Variants in STARD13 observed in about 807,000 individuals in gnomAD.
The protein encoded by STARD13 is StAR related lipid transfer domain containing 13.
A neutral mutation model predicts 106.4 loss-of-function variants in STARD13; 62 were observed. The ratio of observed to expected loss-of-function variants is 0.58; its 90% CI spans 0.48 to 0.72. The LOEUF is 0.72. Among genes scored for constraint, STARD13 ranks in the 30% least tolerant of loss-of-function variants. The pLI is 0.00. For synonymous variants in STARD13, 565 were observed against 553.0 expected (o/e 1.02, Z -0.31); for missense variants, 1,387 against 1,424.0 (o/e 0.97, Z 0.42).
the STARD13 span, among the ~76,000 whole-genome samples, chr13:33,659,611 G>A: frequency 6.6e-6 from 1 of 152,210 alleles, no homozygotes; most frequent in Non-Finnish European, 1.5e-5. Flanking sequence ...GATAGCACCA[G>A]AACTGAATTG....
chr13:33,305,180 C>T (rs1892859853), intron 1 of STARD13, among the ~76,000 whole-genome samples: 1 of 152,210 alleles, frequency 6.6e-6, no homozygotes, highest in African/African-American at 2.4e-5. Flanking sequence ...GCATGAGCCA[C>T]AGCAGTCCCA....
chr13:33,359,688 A>C, the STARD13 span: 4 of 152,760 alleles, frequency 2.6e-5, no homozygotes, highest in African/African-American at 9.7e-5. Flanking sequence ...ATCTAGTCTC[A>C]TTCTCTTCTC....
At chr13:33,198,314 T>C (rs1886784744) in intron 1 of STARD13, among the ~76,000 whole-genome samples, 2 of 152,146 alleles carry the variant, frequency 1.3e-5, no homozygotes, top group South Asian at 4.2e-4. Flanking sequence ...TCCTTTTCCC[T>C]CTTCTGCCCA....
chr13:33,483,637 T>G, the STARD13 span, among the ~76,000 whole-genome samples: 1 of 152,216 alleles, frequency 6.6e-6, no homozygotes, highest in African/African-American at 2.4e-5. Flanking sequence ...TCATCATGAT[T>G]GCTTCCTTAC....
At chr13:33,497,108 T>C in the STARD13 span, among the ~76,000 whole-genome samples, 1 of 152,158 alleles carries the variant, frequency 6.6e-6, no homozygotes, top group African/African-American at 2.4e-5. Context: ...CTTAGCTTAA[T>C]TAGCACGACC....
chr13:33,363,681 T>C, the STARD13 span, among the ~76,000 whole-genome samples: 4 of 152,204 alleles, frequency 2.6e-5, no homozygotes, highest in Non-Finnish European at 5.9e-5. Context: ...GCACACTGAC[T>C]CTTCTTTTCT....
At chr13:33,394,047 T>G in the STARD13 span, among the ~76,000 whole-genome samples, 1 of 152,212 alleles carries the variant, frequency 6.6e-6, no homozygotes, top group East Asian at 1.9e-4. Flanking sequence ...ACTACTGTTT[T>G]AGAGCAACAG....
At chr13:33,479,148 C>T in the STARD13 span, among the ~76,000 whole-genome samples, 29 of 152,260 alleles carry the variant, frequency 1.9e-4, no homozygotes, top group Admixed American at 1.8e-3. Context: ...ATCCGTCTTG[C>T]TCATAAGATA....
chr13:33,572,308 G>A, the STARD13 span, among the ~76,000 whole-genome samples: 2 of 152,180 alleles, frequency 1.3e-5, no homozygotes, highest in Non-Finnish European at 2.9e-5. Flanking sequence ...ACTTGTGCCA[G>A]TCACTGAGTT....
intron 1 of STARD13, among the ~76,000 whole-genome samples, chr13:33,339,297 T>G (rs1566147897): frequency 1.3e-5 from 2 of 152,240 alleles, no homozygotes; most frequent in Non-Finnish European, 2.9e-5. Context: ...TAGATCGTGA[T>G]GCTGTGCCAG....
chr13:33,390,177 G>T, the STARD13 span, among the ~76,000 whole-genome samples: 1 of 152,050 alleles, frequency 6.6e-6, no homozygotes, highest in Non-Finnish European at 1.5e-5. Flanking sequence ...ATGAGCAAAG[G>T]TATGCAAGCT....
chr13:33,264,374 C>T (rs141351651), intron 1 of STARD13, among the ~76,000 whole-genome samples: 1 of 152,330 alleles, frequency 6.6e-6, no homozygotes, highest in East Asian at 1.9e-4. Flanking sequence ...TGGAGCTCAA[C>T]CACTAATTGC....
chr13:33,483,306 T>A, the STARD13 span, among the ~76,000 whole-genome samples: 2 of 152,124 alleles, frequency 1.3e-5, no homozygotes, highest in African/African-American at 4.8e-5. Flanking sequence ...ACATAACAGA[T>A]CTATTTAATG....
At chr13:33,478,311 C>T in the STARD13 span, among the ~76,000 whole-genome samples, 1 of 152,154 alleles carries the variant, frequency 6.6e-6, no homozygotes, top group Non-Finnish European at 1.5e-5. Flanking sequence ...CCCACGAAGT[C>T]ATATTGTTTT....
chr13:33,610,140 A>G, the STARD13 span, among the ~76,000 whole-genome samples: 118 of 152,360 alleles, frequency 7.7e-4, no homozygotes, highest in African/African-American at 2.7e-3. Context: ...TTTAAAGGAT[A>G]TCATTTACAT....
At chr13:33,179,264 G>A (rs1769809024) in intron 1 of STARD13, among the ~76,000 whole-genome samples, 2 of 152,194 alleles carry the variant, frequency 1.3e-5, no homozygotes, top group South Asian at 2.1e-4. Context: ...TTAGAAGTGA[G>A]TCCAAAATTC....
the STARD13 span, among the ~76,000 whole-genome samples, chr13:33,492,903 T>C: frequency 6.6e-6 from 1 of 152,200 alleles, no homozygotes; most frequent in African/African-American, 2.4e-5. Flanking sequence ...CCAGTAACAA[T>C]TATGTCTCTT....
intron 1 of STARD13, among the ~76,000 whole-genome samples, chr13:33,295,421 C>T (rs1361283429): frequency 6.6e-6 from 1 of 152,112 alleles, no homozygotes; most frequent in Non-Finnish European, 1.5e-5. Context: ...AATAATTTAA[C>T]CAAAAGTGAT....
At chr13:33,506,530 T>A in the STARD13 span, among the ~76,000 whole-genome samples, 77 of 152,266 alleles carry the variant, frequency 5.1e-4, no homozygotes, top group East Asian at 5.8e-3. Context: ...ATGGTGTTGA[T>A]CCAAATGGAT....
Sources: allele counts gnomAD v4.1 joint callset (sites outside exome capture counted in the v4.1 genomes callset), GRCh38; gene constraint gnomAD v4.1.1; transcripts MANE v1.5; gene names NCBI Gene and HGNC (gene_info 2026-07-23, HGNC 2026-07-21).